SLC24A3: variants seen among roughly 807,000 people sequenced by gnomAD.
SLC24A3 encodes the protein solute carrier family 24 member 3.
Under a neutral mutation model 75.8 loss-of-function variants are expected in SLC24A3, and 28 were observed. The ratio of observed to expected loss-of-function variants is 0.37; its 90% CI spans 0.27 to 0.51. SLC24A3 has a LOEUF of 0.51. Among genes scored for constraint, SLC24A3 ranks in the 20% least tolerant of loss-of-function variants. The pLI, the probability that SLC24A3 is intolerant of heterozygous loss-of-function variation, is 0.94. For missense variants in SLC24A3, 663 were observed against 847.8 expected, an observed-to-expected ratio of 0.78 and a Z score of 2.71; for synonymous variants, 372 against 334.1, an observed-to-expected ratio of 1.11 and a Z score of -1.24.
intron 2 of SLC24A3, among the ~76,000 whole-genome samples, chr20:19,394,181 C>T: frequency 6.6e-6 from 1 of 152,144 alleles, no homozygotes; most frequent in East Asian, 1.9e-4. Context: ...TGAGCTCTTA[C>T]CTTACACCAT....
rs1568689625 is a variant in SLC24A3, at chr20:19,663,447, TCCTCCA to T, written c.688-2415_688-2410del. Among the ~76,000 whole-genome samples, 19 of 130,574 alleles carry T rather than the reference TCCTCCA, an allele frequency of 1.5e-4. 2 individuals are homozygous for T. The highest frequency in any genetic ancestry group is 2.1e-4 in the African/African-American group (7 of 32,940). The allele number at this position is 130,574 out of a possible 152,430, so 85.7% of individuals were successfully genotyped here. A position where few individuals can be genotyped will look rare whatever the true frequency, so the allele number is the denominator to read the frequency against. On this transcript the variant is annotated intron_variant, in intron 7 of 16. Coordinates refer to ENST00000328041, the MANE Select transcript of SLC24A3 (RefSeq NM_020689.4). Reference sequence around the variant, plus strand: ...CTCCTCCTCCTCCGCCTTCTCATCCTCCTCCACTTCCTCCTCCTCCTCCTCCTCCGC... The same window carrying T: ...CTCCTCCTCCTCCGCCTTCTCATCCTCTTCCTCCTCCTCCTCCTCCTCCGC...
intron 2 of SLC24A3, among the ~76,000 whole-genome samples, chr20:19,369,598 A>G (rs1343549373): frequency 2.6e-5 from 4 of 151,974 alleles, no homozygotes; most frequent in East Asian, 1.9e-4. Context: ...GTGAATTTCC[A>G]TTTTTTTATA....
chr20:19,291,179 C>T (rs2122235523), intron 2 of SLC24A3, among the ~76,000 whole-genome samples: 1 of 152,326 alleles, frequency 6.6e-6, no homozygotes, highest in Non-Finnish European at 1.5e-5. Flanking sequence ...GGGCACATCT[C>T]CCGGCTGCTC....
intron 2 of SLC24A3, among the ~76,000 whole-genome samples, chr20:19,336,570 G>T (rs7272275): frequency 0.079 from 12,000 of 151,930 alleles, 1,168 homozygotes; most frequent in African/African-American, 0.23. Flanking sequence ...ATTTTTAGTA[G>T]AGACCAGGTT....
chr20:19,388,546 C>T (rs2122384651), intron 2 of SLC24A3, among the ~76,000 whole-genome samples: 1 of 152,252 alleles, frequency 6.6e-6, no homozygotes, highest in African/African-American at 2.4e-5. Context: ...CCCATCTCTA[C>T]TAGAAATACA....
intron 1 of SLC24A3, among the ~76,000 whole-genome samples, chr20:19,223,346 C>A (rs180800530): frequency 1.9e-4 from 29 of 152,292 alleles, no homozygotes; most frequent in African/African-American, 7.0e-4. Flanking sequence ...CACATTTTCC[C>A]ATTTCCTTTA....
intron 6 of SLC24A3, among the ~76,000 whole-genome samples, chr20:19,593,330 G>T (rs80287053): frequency 1.7e-3 from 263 of 152,316 alleles, no homozygotes; most frequent in African/African-American, 6.3e-3. Flanking sequence ...ACAGAAGGAG[G>T]TAGAGACTGG....
At chr20:19,704,234 G>C (rs1268064527) in intron 15 of SLC24A3, among the ~76,000 whole-genome samples, 1 of 152,134 alleles carries the variant, frequency 6.6e-6, no homozygotes, top group African/African-American at 2.4e-5. Context: ...TGTGAGCAAA[G>C]AAGAACAGAG....
At chr20:19,231,185 C>G (rs1982011285) in intron 1 of SLC24A3, among the ~76,000 whole-genome samples, 1 of 152,198 alleles carries the variant, frequency 6.6e-6, no homozygotes, top group East Asian at 1.9e-4. Flanking sequence ...ACTATTTTCC[C>G]CATGCCAAAC....
At chr20:19,665,835 A>C (rs2032393218) in intron 7 of SLC24A3, 29 bp from the exon 8 acceptor site, 1 of 1,457,192 alleles carries the variant, frequency 6.9e-7, no homozygotes, top group African/African-American at 1.8e-5. Flanking sequence ...GTGTGTGTCT[A>C]ATCTTCTATT....
At chr20:19,497,566 G>A (rs1460543803) in intron 2 of SLC24A3, among the ~76,000 whole-genome samples, 2 of 13,162 alleles carry the variant, frequency 1.5e-4, no homozygotes, top group Non-Finnish European at 2.2e-4. Context: ...CAAGGTTAGG[G>A]TTTGCACATT....
chr20:19,598,865 C>T (rs890390209), intron 6 of SLC24A3, among the ~76,000 whole-genome samples: 7 of 151,048 alleles, frequency 4.6e-5, no homozygotes, highest in African/African-American at 1.7e-4. Context: ...TGTGCTTGAC[C>T]TTTTTCTTAA....
chr20:19,474,131 T>C (rs1271856329), intron 2 of SLC24A3, among the ~76,000 whole-genome samples: 2 of 152,222 alleles, frequency 1.3e-5, no homozygotes, highest in Non-Finnish European at 1.5e-5. Context: ...GTCTAGCTTT[T>C]CTTTTGAAGT....
At chr20:19,572,189 G>T (rs57988779) in intron 3 of SLC24A3, among the ~76,000 whole-genome samples, 2 of 151,952 alleles carry the variant, frequency 1.3e-5, no homozygotes, top group East Asian at 1.9e-4. Context: ...AAAATGTTAC[G>T]TAAAAAAACT....
chr20:19,546,489 C>T (rs974278100), intron 3 of SLC24A3, among the ~76,000 whole-genome samples: 4 of 152,198 alleles, frequency 2.6e-5, no homozygotes, highest in Admixed American at 6.5e-5. Flanking sequence ...CTGGAAGGAC[C>T]GGAGCCCTGC....
intron 2 of SLC24A3, among the ~76,000 whole-genome samples, chr20:19,312,494 TA>T (rs1984482772): frequency 6.6e-6 from 1 of 152,186 alleles, no homozygotes; most frequent in Non-Finnish European, 1.5e-5. Context: ...ATTCTCCACT[TA>T]CCTCCTCCAG....
At chr20:19,403,531 A>G (rs891521100) in intron 2 of SLC24A3, among the ~76,000 whole-genome samples, 3 of 152,210 alleles carry the variant, frequency 2.0e-5, no homozygotes, top group African/African-American at 7.2e-5. Context: ...ACCAATAATC[A>G]CATTGATGTA....
At chr20:19,267,851 G>T (rs190309295) in intron 1 of SLC24A3, among the ~76,000 whole-genome samples, 5 of 152,132 alleles carry the variant, frequency 3.3e-5, no homozygotes, top group Non-Finnish European at 7.3e-5. Context: ...GAAAATATCC[G>T]CTAGGTGCAC....
At chr20:19,548,179 G>A (rs184033630) in intron 3 of SLC24A3, among the ~76,000 whole-genome samples, 94 of 152,320 alleles carry the variant, frequency 6.2e-4, no homozygotes, top group African/African-American at 2.2e-3. Flanking sequence ...GCCAGCATCT[G>A]TCCTGAGTTG....
Sources: allele counts gnomAD v4.1 joint callset (sites outside exome capture counted in the v4.1 genomes callset), GRCh38; gene constraint gnomAD v4.1.1; transcripts MANE v1.5; gene names NCBI Gene and HGNC (gene_info 2026-07-23, HGNC 2026-07-21).